Variants in ASIC2 observed in about 807,000 individuals in gnomAD.
ASIC2 encodes the protein acid sensing ion channel subunit 2, also known as acid-sensing ion channel 2.
A neutral mutation model predicts 57.3 loss-of-function variants in ASIC2; 25 were observed. The ratio of observed to expected loss-of-function variants is 0.44; its 90% confidence interval spans 0.32 to 0.61. ASIC2 has a LOEUF of 0.61. Ranked by LOEUF, ASIC2 falls within the 20% of genes least tolerant of loss-of-function variation. The pLI, the probability that ASIC2 is intolerant of heterozygous loss-of-function variation, is 0.06. For synonymous variants in ASIC2, 319 were observed against 307.5 expected (o/e 1.04, Z -0.39); for missense variants, 641 against 738.1 (o/e 0.87, Z 1.52).
chr17:34,000,213 T>A (rs1219599208), intron 1 of ASIC2, among the ~76,000 whole-genome samples: 1 of 151,754 alleles, frequency 6.6e-6, no homozygotes, highest in East Asian at 1.9e-4. Flanking sequence ...GCCTTTGAAT[T>A]TGAGAATTTG....
intron 1 of ASIC2, among the ~76,000 whole-genome samples, chr17:33,814,113 G>T (rs148127398): frequency 0.022 from 3,347 of 152,238 alleles, 47 homozygotes; most frequent in Non-Finnish European, 0.034. Context: ...GGGTAGGAGA[G>T]TAGTGGGATG....
At chr17:33,497,287 C>A (rs1913966413) in intron 1 of ASIC2, among the ~76,000 whole-genome samples, 1 of 152,260 alleles carries the variant, frequency 6.6e-6, no homozygotes, top group Non-Finnish European at 1.5e-5. Context: ...AAAGCCCTTA[C>A]CTCCCTGGGC....
At chr17:33,227,865 C>T (rs1478844337) in intron 1 of ASIC2, among the ~76,000 whole-genome samples, 3 of 152,172 alleles carry the variant, frequency 2.0e-5, no homozygotes, top group Non-Finnish European at 4.4e-5. Flanking sequence ...AGAGTCTGGC[C>T]CTTACCTGTT....
At chr17:33,862,735 C>T (rs1914129799) in intron 1 of ASIC2, among the ~76,000 whole-genome samples, 1 of 152,210 alleles carries the variant, frequency 6.6e-6, no homozygotes, top group Non-Finnish European at 1.5e-5. Flanking sequence ...TGCACCCATA[C>T]ACACCTCTTC....
chr17:34,080,570 T>G (rs976546043), intron 1 of ASIC2, among the ~76,000 whole-genome samples: 2 of 152,178 alleles, frequency 1.3e-5, no homozygotes, highest in African/African-American at 2.4e-5. Flanking sequence ...CAAAAGAACA[T>G]TAGCCTGAGA....
upstream of ASIC2, among the ~76,000 whole-genome samples, chr17:33,295,186 G>A (rs554890398): frequency 3.5e-5 from 5 of 142,130 alleles, no homozygotes; most frequent in East Asian, 1.1e-3. Flanking sequence ...ATGTACATGT[G>A]CTACTTTTGA....
At chr17:33,462,918 C>A (rs1407752346) in intron 1 of ASIC2, among the ~76,000 whole-genome samples, 1 of 152,160 alleles carries the variant, frequency 6.6e-6, no homozygotes, top group Admixed American at 6.5e-5. Flanking sequence ...GGTGATGGAG[C>A]TTTGTTCTCA....
chr17:33,773,214 A>C (rs1911168264), intron 1 of ASIC2, among the ~76,000 whole-genome samples: 1 of 149,472 alleles, frequency 6.7e-6, no homozygotes, highest in Non-Finnish European at 1.5e-5. Context: ...GAATTCAACT[A>C]CTTTTTTTTT....
rs1012382750 is a variant in ASIC2 at position 33,251,647 on chromosome 17, T to A, written c.708+39761A>T. On this transcript the variant is annotated intron_variant, in intron 1 of 9. Transcript: ENST00000225823. ...TGGCCTCAGGTACCATCTTACAGTT[T>A]ATTTTAGTTAACTTTTAGACCAATG... 3.3e-5 allele frequency among the ~76,000 whole-genome samples: 5 copies of A among 152,164 alleles called. 1 individual carries two copies. The highest frequency in any genetic ancestry group is 3.3e-4 in the Admixed American group (5 of 15,280).
intron 1 of ASIC2, among the ~76,000 whole-genome samples, chr17:33,308,965 G>T (rs746734935): frequency 1.3e-5 from 2 of 152,190 alleles, no homozygotes; most frequent in Admixed American, 6.5e-5. Flanking sequence ...CATGTTCTAC[G>T]TATGTTGAAC....
chr17:33,799,144 T>C (rs187450760), intron 1 of ASIC2, among the ~76,000 whole-genome samples: 1 of 152,212 alleles, frequency 6.6e-6, no homozygotes, highest in Admixed American at 6.5e-5. Flanking sequence ...AGTGGACTTG[T>C]TACCTTTACG....
At chr17:33,703,418 T>A (rs1908769317) in intron 1 of ASIC2, among the ~76,000 whole-genome samples, 1 of 151,920 alleles carries the variant, frequency 6.6e-6, no homozygotes, top group African/African-American at 2.4e-5. Flanking sequence ...AGTGGCATGA[T>A]CTCTGCTTAC....
intron 1 of ASIC2, among the ~76,000 whole-genome samples, chr17:33,820,062 C>G (rs1912700676): frequency 6.6e-6 from 1 of 152,070 alleles, no homozygotes. Context: ...CCCCAGCTGC[C>G]CAATATGGCA....
chr17:34,140,086 G>A (rs1406739679), intron 1 of ASIC2, among the ~76,000 whole-genome samples: 1 of 152,022 alleles, frequency 6.6e-6, no homozygotes, highest in Non-Finnish European at 1.5e-5. Flanking sequence ...GGGACAATTG[G>A]GGAAATTTGA....
intron 1 of ASIC2, among the ~76,000 whole-genome samples, chr17:33,338,176 G>T (rs1283930091): frequency 6.6e-6 from 1 of 151,298 alleles, no homozygotes; most frequent in Non-Finnish European, 1.5e-5. Context: ...CAAGGAGATG[G>T]AAATGTTCCT....
chr17:33,880,897 A>C (rs1235216776), intron 1 of ASIC2, among the ~76,000 whole-genome samples: 1 of 152,202 alleles, frequency 6.6e-6, no homozygotes, highest in African/African-American at 2.4e-5. Context: ...CAGCACATCA[A>C]AAAGCTTATC....
At chr17:33,922,808 C>A (rs959586478) in intron 1 of ASIC2, among the ~76,000 whole-genome samples, 1 of 152,154 alleles carries the variant, frequency 6.6e-6, no homozygotes, top group African/African-American at 2.4e-5. Flanking sequence ...TGTTCTCAAC[C>A]TTGATATGCC....
At chr17:33,145,931 C>T (rs1043810352) in intron 1 of ASIC2, among the ~76,000 whole-genome samples, 11 of 152,338 alleles carry the variant, frequency 7.2e-5, no homozygotes, top group African/African-American at 2.6e-4. Flanking sequence ...CCCTCACCCT[C>T]CCGCCACAGC....
intron 1 of ASIC2, among the ~76,000 whole-genome samples, chr17:33,301,740 C>T (rs538451803): frequency 2.0e-5 from 3 of 152,286 alleles, no homozygotes; most frequent in South Asian, 2.1e-4. Context: ...GGGATGAGCA[C>T]AGCATGCTGG....
Sources: allele counts gnomAD v4.1 joint callset (sites outside exome capture counted in the v4.1 genomes callset), GRCh38; gene constraint gnomAD v4.1.1; transcripts MANE v1.5; gene names NCBI Gene and HGNC (gene_info 2026-07-23, HGNC 2026-07-21).